WWOX: variants seen among roughly 807,000 people sequenced by gnomAD.
The protein encoded by WWOX is WW domain-containing oxidoreductase.
A neutral mutation model predicts 46.2 loss-of-function variants in WWOX; 69 were observed. That is an observed-to-expected ratio of 1.49 (90% CI 1.23 to 1.82). The LOEUF is 1.82. WWOX is among the 40% of genes most tolerant of loss of function. WWOX has a pLI of 0.00. For missense variants in WWOX, 919 were observed against 542.6 expected, an observed-to-expected ratio of 1.69 and a Z score of -6.89; for synonymous variants, 359 against 202.6, an observed-to-expected ratio of 1.77 and a Z score of -6.56.
At chr16:78,604,163 T>G (rs756916733) in intron 8 of WWOX, among the ~76,000 whole-genome samples, 5 of 152,024 alleles carry the variant, frequency 3.3e-5, no homozygotes, top group Non-Finnish European at 7.4e-5. Flanking sequence ...TAAATAAAAT[T>G]AGAATCTGAA....
At chr16:78,572,598 G>C (rs1285518803) in intron 8 of WWOX, among the ~76,000 whole-genome samples, 11 of 75,950 alleles carry the variant, frequency 1.4e-4, no homozygotes, top group Admixed American at 1.4e-3. Context: ...GTAAGACTCT[G>C]TCTCAAAAAA....
chr16:78,630,088 G>A (rs2046393342), intron 8 of WWOX, among the ~76,000 whole-genome samples: 1 of 152,084 alleles, frequency 6.6e-6, no homozygotes. Context: ...CTATTTCATT[G>A]AAAATCTGTC....
intron 8 of WWOX, among the ~76,000 whole-genome samples, chr16:78,886,483 C>A (rs1227692092): frequency 6.6e-6 from 1 of 151,762 alleles, no homozygotes; most frequent in Non-Finnish European, 1.5e-5. Flanking sequence ...CATTGAACAT[C>A]TCTGTACAAA....
At chr16:78,314,155 C>T (rs1229058987) in intron 5 of WWOX, among the ~76,000 whole-genome samples, 4 of 151,962 alleles carry the variant, frequency 2.6e-5, no homozygotes, top group Non-Finnish European at 4.4e-5. Context: ...GCCTGGAATC[C>T]CAGCACTTTG....
rs2044247953 is a variant in WWOX at position 78,877,046 on chromosome 16, C to T, written c.1057-334562C>T. 1.3e-5 allele frequency among the ~76,000 whole-genome samples: 2 copies of T among 152,286 alleles called. 1 individual carries two copies. The highest frequency in any genetic ancestry group is 1.3e-4 in the Admixed American group (2 of 15,296). On this transcript the variant is annotated intron_variant, in intron 8 of 8. Coordinates refer to ENST00000566780, the MANE Select transcript of WWOX (RefSeq NM_016373.4). The stretch of plus-strand genomic sequence containing the variant: ...AGAGGTCCAGGACATTTAAATAGCT[C>T]TTCTAGAAACAAATTCTTTTCCTTA...
intron 5 of WWOX, among the ~76,000 whole-genome samples, chr16:78,364,472 A>G (rs2081486643): frequency 6.6e-6 from 1 of 150,670 alleles, no homozygotes. Context: ...TGCCCGGAAT[A>G]TCTGATCTTA....
intron 8 of WWOX, among the ~76,000 whole-genome samples, chr16:79,141,586 C>T (rs919672825): frequency 1.3e-5 from 2 of 152,192 alleles, no homozygotes; most frequent in African/African-American, 4.8e-5. Context: ...GTCGAGTTCT[C>T]CAAATTTAAG....
intron 8 of WWOX, among the ~76,000 whole-genome samples, chr16:78,537,921 C>G (rs961637349): frequency 5.9e-5 from 9 of 152,002 alleles, no homozygotes; most frequent in African/African-American, 1.9e-4. Context: ...CTGCTTTTCA[C>G]CTTACAGCAG....
intron 8 of WWOX, among the ~76,000 whole-genome samples, chr16:78,620,913 A>G (rs2151643579): frequency 6.6e-6 from 1 of 152,144 alleles, no homozygotes; most frequent in African/African-American, 2.4e-5. Flanking sequence ...TTTATTTTTG[A>G]GCAATTCACT....
intron 8 of WWOX, among the ~76,000 whole-genome samples, chr16:78,864,855 C>T (rs973675287): frequency 5.5e-5 from 8 of 145,860 alleles, no homozygotes; most frequent in East Asian, 2.1e-4. Flanking sequence ...ATCCACCTCC[C>T]GGGTTCAAGC....
At chr16:78,990,186 C>CAAA (rs751642031) in intron 8 of WWOX, among the ~76,000 whole-genome samples, 1 of 110,260 alleles carries the variant, frequency 9.1e-6, no homozygotes, top group Non-Finnish European at 2.0e-5. Context: ...CTTGTCTCAC[C>CAAA]AAAAAAAAAA....
intron 6 of WWOX, among the ~76,000 whole-genome samples, chr16:78,401,158 G>A (rs2082403729): frequency 1.3e-5 from 2 of 152,034 alleles, no homozygotes; most frequent in Non-Finnish European, 2.9e-5. Context: ...ACCTTCCATA[G>A]GAAAAATGTT....
chr16:78,825,653 C>T (rs944573251), intron 8 of WWOX: 3 of 522,432 alleles, frequency 5.7e-6, no homozygotes, highest in Admixed American at 4.3e-5. Flanking sequence ...TGTGGTTCAT[C>T]ATGAATAGGG....
chr16:78,726,134 T>G (rs954270956), intron 8 of WWOX, among the ~76,000 whole-genome samples: 4 of 130,582 alleles, frequency 3.1e-5, no homozygotes, highest in African/African-American at 1.1e-4. Flanking sequence ...TCTCCCTCTC[T>G]CTTTTTCTCT....
intron 8 of WWOX, among the ~76,000 whole-genome samples, chr16:78,594,645 G>A (rs987299388): frequency 6.6e-6 from 1 of 152,012 alleles, no homozygotes; most frequent in African/African-American, 2.4e-5. Flanking sequence ...CAGTGCAGTG[G>A]CTCTGTATTT....
chr16:78,403,434 T>G (rs549609396), intron 6 of WWOX, among the ~76,000 whole-genome samples: 1 of 152,382 alleles, frequency 6.6e-6, no homozygotes, highest in East Asian at 1.9e-4. Context: ...CTGCAGAAGT[T>G]CATAAATAAT....
intron 8 of WWOX, among the ~76,000 whole-genome samples, chr16:78,805,033 C>G (rs977119370): frequency 1.7e-4 from 26 of 152,362 alleles, no homozygotes; most frequent in African/African-American, 5.8e-4. Flanking sequence ...ATGCCCCTTT[C>G]TCCTGATATT....
intron 8 of WWOX, among the ~76,000 whole-genome samples, chr16:78,522,204 T>C (rs1402503777): frequency 1.3e-5 from 2 of 151,914 alleles, no homozygotes; most frequent in Non-Finnish European, 2.9e-5. Flanking sequence ...TGGTGTACTT[T>C]CTTTACTAAG....
rs578131653 is a variant in WWOX at position 79,130,940 on chromosome 16, A to C, written c.1057-80668A>C. Among the ~76,000 whole-genome samples the C allele has an allele frequency of 2.0e-5, 3 of 152,340 alleles. No homozygotes were observed. In the East Asian group the frequency reaches 5.8e-4, roughly 29 times the overall value. On this transcript the variant is annotated intron_variant, in intron 8 of 8. Transcript: ENST00000566780. Reference sequence around the variant, plus strand: ...GCATGCCAACCGAAGAGACCACTGCATTGTTGGCCATAAGTGAAACTAGTG... The same window carrying C: ...GCATGCCAACCGAAGAGACCACTGCCTTGTTGGCCATAAGTGAAACTAGTG...
Sources: allele counts gnomAD v4.1 joint callset (sites outside exome capture counted in the v4.1 genomes callset), GRCh38; gene constraint gnomAD v4.1.1; transcripts MANE v1.5; gene names NCBI Gene and HGNC (gene_info 2026-07-23, HGNC 2026-07-21).